The following GPHN variants were observed in gnomAD, a reference collection of about 807,000 sequenced individuals.
GPHN encodes gephyrin.
A neutral mutation model predicts 95.5 loss-of-function variants in GPHN; 17 were observed. That is an observed-to-expected ratio of 0.18 (90% CI 0.12 to 0.27). GPHN has a LOEUF of 0.27. Among genes scored for constraint, GPHN ranks in the 10% least tolerant of loss-of-function variants. GPHN has a pLI of 1.00. For synonymous variants in GPHN, 320 were observed against 322.5 expected (o/e 0.99, Z 0.08); for missense variants, 660 against 978.1 (o/e 0.67, Z 4.34).
At chr14:66,792,161 G>C (rs1288145395) in intron 3 of GPHN, among the ~76,000 whole-genome samples, 1 of 152,108 alleles carries the variant, frequency 6.6e-6, no homozygotes, top group Non-Finnish European at 1.5e-5. Context: ...GACATAGCTA[G>C]ACTCTATCAG....
At chr14:67,403,299 AG>A in the GPHN span, among the ~76,000 whole-genome samples, 1 of 152,228 alleles carries the variant, frequency 6.6e-6, no homozygotes, top group Non-Finnish European at 1.5e-5. Context: ...TGGGAAAACA[AG>A]AAATTTTGGC....
chr14:67,583,970 A>G, the GPHN span: 37,937 of 1,613,648 alleles, frequency 0.024, 1,462 homozygotes, highest in East Asian at 0.13. Context: ...CATTGGCACT[A>G]TTTCTCTCCA....
At chr14:67,558,683 G>T in the GPHN span, among the ~76,000 whole-genome samples, 1 of 152,202 alleles carries the variant, frequency 6.6e-6, no homozygotes, top group Non-Finnish European at 1.5e-5. Context: ...TTTAGTCCCA[G>T]CTGTGCCATG....
the GPHN span, among the ~76,000 whole-genome samples, chr14:67,704,375 G>A: frequency 6.6e-6 from 1 of 152,130 alleles, no homozygotes; most frequent in Non-Finnish European, 1.5e-5. Context: ...TTAGAAGCTT[G>A]TAGGTGTTAT....
At chr14:67,143,970 C>T (rs2080660307) in intron 18 of GPHN, among the ~76,000 whole-genome samples, 1 of 151,496 alleles carries the variant, frequency 6.6e-6, no homozygotes, top group South Asian at 2.1e-4. Context: ...GGCACAGTGG[C>T]TCAAGCCTGT....
the GPHN span, chr14:67,573,213 G>A: frequency 3.9e-6 from 4 of 1,017,720 alleles, no homozygotes; most frequent in East Asian, 7.1e-5. This position sits in a 1 kb window ranked among gnomAD's most constrained non-coding sequence, Gnocchi z 4.8. Context: ...ACTTGGACCT[G>A]TGTGATGTCT....
At chr14:66,920,454 T>C (rs973533059) in intron 6 of GPHN, among the ~76,000 whole-genome samples, 3 of 152,056 alleles carry the variant, frequency 2.0e-5, no homozygotes, top group African/African-American at 2.4e-5. Context: ...TTTCCTATCT[T>C]TCCTGTCTTT....
the GPHN span, chr14:67,614,004 A>C: frequency 1.3e-5 from 2 of 152,308 alleles, no homozygotes; most frequent in African/African-American, 4.8e-5. Context: ...GCATGATCAC[A>C]GTTCACTGCA....
chr14:66,715,259 G>A (rs2070061078), intron 2 of GPHN, among the ~76,000 whole-genome samples: 1 of 152,032 alleles, frequency 6.6e-6, no homozygotes, highest in African/African-American at 2.4e-5. Flanking sequence ...TCTAGTTTAT[G>A]CACATTAAGG....
intron 1 of GPHN, among the ~76,000 whole-genome samples, chr14:66,550,482 A>T (rs1190009343): frequency 6.6e-6 from 1 of 152,210 alleles, no homozygotes; most frequent in Non-Finnish European, 1.5e-5. Flanking sequence ...ACTCCTGGTG[A>T]TAATGCTATA....
Position 66,583,207 on chromosome 14 carries a change from T to G in GPHN, c.64+74616T>G, listed in dbSNP as rs960500601. ...TCTTTTGAGAAGTGTCTGTTCATAT[T>G]CTTTGCCCACTTTTTGATGTGGTTG... On this transcript the variant is annotated intron_variant, in intron 1 of 22. Transcript: ENST00000478722. Among the ~76,000 whole-genome samples, 70 of 152,110 alleles carry G rather than the reference T, an allele frequency of 4.6e-4. No homozygotes were observed. The Middle Eastern group carries it at 0.01, about 22-fold the overall frequency.
At position 66,776,476 on chromosome 14, in the gene GPHN, T is replaced by C. The variant is rs778715897; in HGVS notation, c.156T>C (p.Thr52=). 1.4e-5 allele frequency: 22 copies of C among 1,566,246 alleles called. No individual in the cohort carries two copies. In the South Asian group the frequency reaches 2.2e-4, roughly 16 times the overall value. ...LVQDPSLLGG[T]ISAYKIVPDE... ...CTCCTAATTTCAGGTTGGGTGGGAC[T>C]ATATCAGCATACAAGATAGTACCAG... The change falls in exon 3 of 23, where the codon ACT becomes ACC. Residue 52 remains threonine, a synonymous_variant. Coordinates refer to ENST00000478722, the MANE Select transcript of GPHN (RefSeq NM_020806.5).
At chr14:66,681,241 C>T (rs1381972312) in intron 2 of GPHN, 56 bp downstream of exon 2, 6 of 1,073,812 alleles carry the variant, frequency 5.6e-6, no homozygotes, top group Non-Finnish European at 8.5e-6. Context: ...ATTAGTGTTC[C>T]TTTTCTCAAA....
At chr14:66,881,116 T>C (rs559627587) in intron 5 of GPHN, among the ~76,000 whole-genome samples, 1 of 152,066 alleles carries the variant, frequency 6.6e-6, no homozygotes, top group South Asian at 2.1e-4. Flanking sequence ...TTATATCCCA[T>C]CAGTGGCAGC....
At chr14:67,192,445 A>T in the GPHN span, among the ~76,000 whole-genome samples, 3 of 152,048 alleles carry the variant, frequency 2.0e-5, no homozygotes, top group East Asian at 5.8e-4. Flanking sequence ...GTTAATTATG[A>T]TATCTTAGTA....
At chr14:66,685,471 T>C (rs2067285583) in intron 2 of GPHN, among the ~76,000 whole-genome samples, 1 of 152,252 alleles carries the variant, frequency 6.6e-6, no homozygotes, top group Admixed American at 6.5e-5. Flanking sequence ...TATCTCATTG[T>C]GGTTTTGATT....
At chr14:67,460,597 G>A in the GPHN span, among the ~76,000 whole-genome samples, 1 of 152,118 alleles carries the variant, frequency 6.6e-6, no homozygotes. Context: ...CCAGGTACTC[G>A]GGAGGCTGAC....
At chr14:67,701,387 T>A in the GPHN span, among the ~76,000 whole-genome samples, 18,550 of 150,164 alleles carry the variant, frequency 0.12, 1,188 homozygotes, top group Admixed American at 0.15. Flanking sequence ...TAATCACATA[T>A]ACATTTAAAA....
At chr14:66,855,656 T>C (rs985401081) in intron 4 of GPHN, among the ~76,000 whole-genome samples, 1 of 152,150 alleles carries the variant, frequency 6.6e-6, no homozygotes, top group African/African-American at 2.4e-5. Flanking sequence ...GGAATGGAAA[T>C]GTGGGATCAT....
Sources: gnomAD v4.1 joint callset for allele counts (sites outside exome capture counted in the v4.1 genomes callset) on GRCh38, gnomAD v4.1.1 for gene constraint, Gnocchi (gnomAD v3.1) non-coding constraint, MANE v1.5 for transcripts, NCBI Gene and HGNC (gene_info 2026-07-23, HGNC 2026-07-21) for gene names.